MTPN: variants seen among roughly 807,000 people sequenced by gnomAD.
MTPN encodes granule cell differentiation protein.
Under a neutral mutation model 13.5 loss-of-function variants are expected in MTPN, and 2 were observed. The ratio of observed to expected loss-of-function variants is 0.15; its 90% CI spans 0.06 to 0.47. The LOEUF (loss-of-function observed/expected upper bound fraction) is 0.47, where lower values mean the gene tolerates loss of function less well. Among genes scored for constraint, MTPN ranks in the 20% least tolerant of loss-of-function variants. The pLI is 0.97. For synonymous variants in MTPN, 46 were observed against 51.7 expected (o/e 0.89, Z 0.48); for missense variants, 79 against 137.9 (o/e 0.57, Z 2.14).
chr7:135,949,582 C>A (rs1195537116), intron 3 of MTPN, among the ~76,000 whole-genome samples: 1 of 152,040 alleles, frequency 6.6e-6, no homozygotes, highest in African/African-American at 2.4e-5. Flanking sequence ...ATAGAAAAAA[C>A]CCTAGCTCTA....
intron 1 of MTPN, among the ~76,000 whole-genome samples, chr7:135,965,588 C>A (rs920346224): frequency 6.6e-6 from 1 of 152,018 alleles, no homozygotes; most frequent in Admixed American, 6.6e-5. Flanking sequence ...GAAGCATGCA[C>A]AAAACTATCT....
intron 3 of MTPN, among the ~76,000 whole-genome samples, chr7:135,940,230 T>C (rs1799188379): frequency 6.6e-6 from 1 of 152,206 alleles, no homozygotes; most frequent in African/African-American, 2.4e-5. Context: ...AACTTAAACA[T>C]ATGATTCAAT....
chr7:135,957,311 T>A (rs767387533), intron 1 of MTPN, among the ~76,000 whole-genome samples: 5 of 152,156 alleles, frequency 3.3e-5, no homozygotes, highest in Non-Finnish European at 7.4e-5. Flanking sequence ...TGCTTTAGGA[T>A]GGGTTGACTT....
intron 1 of MTPN, among the ~76,000 whole-genome samples, chr7:135,968,407 T>C (rs564177070): frequency 1.4e-4 from 22 of 151,820 alleles, no homozygotes; most frequent in Non-Finnish European, 2.8e-4. Flanking sequence ...TAATCACAGC[T>C]CCTCTTTACA....
At chr7:135,934,346 A>C (rs1412834111) in intron 3 of MTPN, among the ~76,000 whole-genome samples, 1 of 151,906 alleles carries the variant, frequency 6.6e-6, no homozygotes, top group East Asian at 1.9e-4. Context: ...CCATGGGTAC[A>C]CTCCTCACCC....
At chr7:135,954,196 T>C (rs889492183) in intron 1 of MTPN, among the ~76,000 whole-genome samples, 1 of 152,226 alleles carries the variant, frequency 6.6e-6, no homozygotes, top group Non-Finnish European at 1.5e-5. Flanking sequence ...GCATAGTGCC[T>C]GACACATTGT....
In MTPN at chr7:135,927,056, G is replaced by A. The variant is rs1440580656; in HGVS notation, c.*2870C>T. On this transcript the variant is annotated 3_prime_UTR_variant, in exon 4 of 4. Transcript: ENST00000393085. ...CTGCAATTGCTTATTTATGTAGGAG[G>A]GCACTCTCACCAGCTTCTTCTATAC... The A allele has an allele frequency of 5.9e-6, 2 of 341,288 alleles. No homozygotes were observed. Among genetic ancestry groups the A allele is most frequent in the Admixed American group, 4.8e-5 (1 of 20,966 alleles). 21.1% of individuals were successfully genotyped at this position (341,288 alleles called of 1,614,324 possible). A position where few individuals can be genotyped will look rare whatever the true frequency, so the allele number is the denominator to read the frequency against.
At chr7:135,949,112 C>T (rs1348910337) in intron 3 of MTPN, among the ~76,000 whole-genome samples, 2 of 152,198 alleles carry the variant, frequency 1.3e-5, no homozygotes, top group African/African-American at 2.4e-5. Context: ...TGTGCCTCAA[C>T]TGTACAGTTA....
intron 2 of MTPN, 33 bp downstream of exon 2, chr7:135,951,484 A>T (rs745329612): frequency 2.2e-5 from 33 of 1,476,600 alleles, no homozygotes; most frequent in Non-Finnish European, 3.1e-5. Flanking sequence ...TTAACAGAAA[A>T]TTTTTTCAAG....
chr7:135,933,538 G>A lies in MTPN; in HGVS notation c.271-3526C>T, dbSNP rs541516532. 1.2e-3 allele frequency among the ~76,000 whole-genome samples: 185 copies of A among 151,962 alleles called. 2 individuals are homozygous for A. In the South Asian group the frequency reaches 0.019, roughly 16 times the overall value. On this transcript the variant is annotated intron_variant, in intron 3 of 3. Transcript: ENST00000393085. Reference sequence around the variant, plus strand: ...TTTTATATTCTGGTCTGTAAAAACTGTGTTTTTATCAATTCTTATAGTTAA... The same window carrying A: ...TTTTATATTCTGGTCTGTAAAAACTATGTTTTTATCAATTCTTATAGTTAA...
At chr7:135,965,228 TA>T (rs1799587425) in intron 1 of MTPN, among the ~76,000 whole-genome samples, 1 of 152,148 alleles carries the variant, frequency 6.6e-6, no homozygotes, top group African/African-American at 2.4e-5. Context: ...TTGCAAATTT[TA>T]CATTTACATT....
intron 3 of MTPN, among the ~76,000 whole-genome samples, chr7:135,941,870 CTGTTA>C (rs1385151342): frequency 5.3e-5 from 8 of 150,724 alleles, no homozygotes; most frequent in African/African-American, 1.7e-4. Context: ...ACATATTGAG[CTGTTA>C]TATTACTTTT....
At chr7:135,950,550 G>A (rs756259950) in intron 3 of MTPN, 49 bp downstream of exon 3, 1 of 1,370,120 alleles carries the variant, frequency 7.3e-7, no homozygotes, top group East Asian at 2.3e-5. Flanking sequence ...CAAATACTTG[G>A]CTTAAACACA....
intron 3 of MTPN, among the ~76,000 whole-genome samples, chr7:135,948,968 A>G (rs1221123050): frequency 2.0e-5 from 3 of 152,154 alleles, no homozygotes; most frequent in Non-Finnish European, 4.4e-5. Context: ...GGAGTCCTCC[A>G]TTTCTTTTGA....
intron 3 of MTPN, among the ~76,000 whole-genome samples, chr7:135,943,909 G>A (rs1163089192): frequency 6.6e-6 from 1 of 152,180 alleles, no homozygotes; most frequent in African/African-American, 2.4e-5. Flanking sequence ...TATGCTGTCA[G>A]ATTATTTTTG....
At chr7:135,949,044 C>G (rs1455834191) in intron 3 of MTPN, among the ~76,000 whole-genome samples, 1 of 151,672 alleles carries the variant, frequency 6.6e-6, no homozygotes, top group African/African-American at 2.4e-5. Flanking sequence ...TGGGACAGGC[C>G]AAAAATAAAA....
intron 3 of MTPN, among the ~76,000 whole-genome samples, chr7:135,934,658 C>T (rs1172863816): frequency 1.3e-5 from 2 of 152,196 alleles, no homozygotes; most frequent in Admixed American, 6.5e-5. Flanking sequence ...TCTGAAAACA[C>T]TTTGAAATAA....
intron 3 of MTPN, among the ~76,000 whole-genome samples, chr7:135,935,095 C>T (rs1799094417): frequency 6.6e-6 from 1 of 152,188 alleles, no homozygotes; most frequent in Non-Finnish European, 1.5e-5. Context: ...ACACTACCAT[C>T]TTCCAGAAGA....
chr7:135,950,146 A>G (rs908983769), intron 3 of MTPN, among the ~76,000 whole-genome samples: 10 of 152,192 alleles, frequency 6.6e-5, no homozygotes, highest in Admixed American at 5.9e-4. Flanking sequence ...AAGAAACCAG[A>G]TAACTTGGAG....
Sources: gnomAD v4.1 joint callset for allele counts (sites outside exome capture counted in the v4.1 genomes callset) on GRCh38, gnomAD v4.1.1 for gene constraint, MANE v1.5 for transcripts, NCBI Gene and HGNC (gene_info 2026-07-23, HGNC 2026-07-21) for gene names.